The following DMRT1 variants were observed in gnomAD, a reference collection of about 807,000 sequenced individuals.
The protein encoded by DMRT1 is doublesex- and mab-3-related transcription factor 1.
Under a neutral mutation model 32.3 loss-of-function variants are expected in DMRT1, and 7 were observed. The observed-to-expected ratio is 0.22, with a 90% CI of 0.12 to 0.41. The LOEUF (loss-of-function observed/expected upper bound fraction) is 0.41. Among genes scored for constraint, DMRT1 ranks in the 10% least tolerant of loss-of-function variants. The pLI is 1.00. For synonymous variants in DMRT1, 278 were observed against 206.1 expected (o/e 1.35, Z -2.99); for missense variants, 625 against 500.5 (o/e 1.25, Z -2.37).
chr9:917,578 T>C (rs756519193), intron 4 of DMRT1, among the ~76,000 whole-genome samples: 1 of 152,184 alleles, frequency 6.6e-6, no homozygotes. Flanking sequence ...CCTCTTTTGA[T>C]GTAGGAAAGT....
chr9:905,997 GCTGT>G (rs1179383013), intron 3 of DMRT1, among the ~76,000 whole-genome samples: 2 of 149,520 alleles, frequency 1.3e-5, no homozygotes, highest in African/African-American at 4.9e-5. Context: ...CACTAGGCAT[GCTGT>G]CTCTCAAGAT....
intron 2 of DMRT1, 73 bp from the exon 3 acceptor site, chr9:893,839 G>T: frequency 7.0e-7 from 1 of 1,434,874 alleles, no homozygotes; most frequent in Non-Finnish European, 9.7e-7. Context: ...TCTTGGGTAG[G>T]AAGGTTTAGA....
At chr9:921,731 A>G (rs901775454) in intron 4 of DMRT1, among the ~76,000 whole-genome samples, 9 of 152,192 alleles carry the variant, frequency 5.9e-5, no homozygotes, top group Non-Finnish European at 1.0e-4. Flanking sequence ...AAAATAAAAA[A>G]TTAGCTGGGT....
At chr9:955,513 T>C (rs1819571618) in intron 4 of DMRT1, among the ~76,000 whole-genome samples, 1 of 152,154 alleles carries the variant, frequency 6.6e-6, no homozygotes, top group African/African-American at 2.4e-5. Context: ...AAGACCAGCC[T>C]GAGCAACATG....
intron 4 of DMRT1, among the ~76,000 whole-genome samples, chr9:917,228 C>T (rs1356503233): frequency 1.3e-5 from 2 of 152,058 alleles, no homozygotes; most frequent in Non-Finnish European, 2.9e-5. Context: ...GGTTCAAGAC[C>T]TGGTATTTTT....
intron 2 of DMRT1, among the ~76,000 whole-genome samples, chr9:892,304 TG>T (rs1817183356): frequency 6.6e-6 from 1 of 152,132 alleles, no homozygotes; most frequent in Non-Finnish European, 1.5e-5. Flanking sequence ...CTCCCTTCCT[TG>T]CCCAGATGGA....
chr9:950,262 T>G (rs1471836508), intron 4 of DMRT1, among the ~76,000 whole-genome samples: 3 of 152,066 alleles, frequency 2.0e-5, no homozygotes, highest in Non-Finnish European at 4.4e-5. Flanking sequence ...CATGATTATC[T>G]AGAGAGATAC....
Position 868,107 on chromosome 9 carries a change from A to C in DMRT1, c.538+20964A>C, listed in dbSNP as rs145112227. The stretch of plus-strand genomic sequence containing the variant: ...GTCCTCCCACCTCAGCCTCCTGATT[A>C]GCTGGGACTACAGGCGCAAGCCACC... On this transcript the variant is annotated intron_variant, in intron 2 of 4. Coordinates refer to ENST00000382276, the MANE Select transcript of DMRT1 (RefSeq NM_021951.3). Among the ~76,000 whole-genome samples the C allele has an allele frequency of 9.9e-4, 151 of 152,282 alleles. 2 individuals carry two copies. The highest frequency in any genetic ancestry group is 3.6e-3 in the African/African-American group (151 of 41,558).
intron 4 of DMRT1, among the ~76,000 whole-genome samples, chr9:962,626 G>A (rs1047968537): frequency 3.9e-5 from 6 of 152,104 alleles, no homozygotes; most frequent in Non-Finnish European, 7.4e-5. Context: ...TGGGTGGGGT[G>A]GAGGTGGCAT....
chr9:907,880 G>T (rs1053260781), intron 3 of DMRT1, among the ~76,000 whole-genome samples: 2 of 151,392 alleles, frequency 1.3e-5, no homozygotes, highest in African/African-American at 4.9e-5. Context: ...AACACACACT[G>T]ACTGCATACT....
chr9:889,233 C>T (rs1286382628), intron 2 of DMRT1, among the ~76,000 whole-genome samples: 1 of 152,184 alleles, frequency 6.6e-6, no homozygotes. Flanking sequence ...CTGTTTTTAA[C>T]ACTGACTGAG....
chr9:947,362 G>T (rs1486389033), intron 4 of DMRT1, among the ~76,000 whole-genome samples: 1 of 152,186 alleles, frequency 6.6e-6, no homozygotes, highest in Non-Finnish European at 1.5e-5. Context: ...GAAGCCAAAA[G>T]GTTGAACACC....
chr9:921,966 A>G (rs541445616), intron 4 of DMRT1, among the ~76,000 whole-genome samples: 3 of 152,244 alleles, frequency 2.0e-5, no homozygotes, highest in Admixed American at 6.5e-5. Context: ...CTGTAGCATC[A>G]ACTTTCCAGG....
chr9:955,923 G>C (rs1819584630), intron 4 of DMRT1, among the ~76,000 whole-genome samples: 2 of 152,186 alleles, frequency 1.3e-5, no homozygotes, highest in Non-Finnish European at 2.9e-5. Context: ...CAGCAGTTCT[G>C]CTCTGGGTAA....
At chr9:847,665 A>G (rs1451594462) in intron 2 of DMRT1, among the ~76,000 whole-genome samples, 2 of 123,452 alleles carry the variant, frequency 1.6e-5, no homozygotes, top group African/African-American at 5.0e-5. Context: ...AACCTGAGAC[A>G]TAGACAGTTA....
chr9:955,342 G>C (rs1819565764), intron 4 of DMRT1, among the ~76,000 whole-genome samples: 1 of 152,172 alleles, frequency 6.6e-6, no homozygotes, highest in African/African-American at 2.4e-5. Flanking sequence ...ATAAAATAGA[G>C]ACAGGACAGT....
intron 2 of DMRT1, among the ~76,000 whole-genome samples, chr9:876,637 C>T (rs1012730981): frequency 1.3e-5 from 2 of 151,846 alleles, no homozygotes; most frequent in Non-Finnish European, 2.9e-5. Context: ...CTCAAGTGAT[C>T]CTTCCCCACT....
intron 3 of DMRT1, among the ~76,000 whole-genome samples, chr9:897,123 TTA>T (rs1386713437): frequency 2.0e-5 from 3 of 147,910 alleles, no homozygotes; most frequent in African/African-American, 5.0e-5. Flanking sequence ...ATTATTATTA[TTA>T]TTTTTGAGAC....
chr9:937,431 C>T (rs1346011220), intron 4 of DMRT1, among the ~76,000 whole-genome samples: 1 of 152,190 alleles, frequency 6.6e-6, no homozygotes. Context: ...AACTGGTTTC[C>T]ACAGTGTCAG....
Sources: allele counts gnomAD v4.1 joint callset (sites outside exome capture counted in the v4.1 genomes callset), GRCh38; gene constraint gnomAD v4.1.1; transcripts MANE v1.5; gene names NCBI Gene and HGNC (gene_info 2026-07-23, HGNC 2026-07-21).